Variants in RARB observed in about 807,000 individuals in gnomAD.
RARB encodes the protein retinoic acid receptor beta, also known as HBV-activated protein.
Under a neutral mutation model 51.9 loss-of-function variants are expected in RARB, and 17 were observed. That is an observed-to-expected ratio of 0.33 (90% CI 0.22 to 0.49). RARB has a LOEUF of 0.49. RARB is among the 20% of genes least tolerant of loss of function. The probability of loss-of-function intolerance (pLI) is 0.99; values close to 1 mark genes in which losing one functional copy is unlikely to be tolerated. For synonymous variants in RARB, 215 were observed against 195.4 expected (o/e 1.10, Z -0.84); for missense variants, 369 against 550.8 (o/e 0.67, Z 3.30).
intron 5 of RARB, among the ~76,000 whole-genome samples, chr3:25,329,300 G>A (rs555321258): frequency 2.4e-4 from 36 of 152,150 alleles, no homozygotes; most frequent in Admixed American, 4.6e-4. Flanking sequence ...CACCTCATAC[G>A]GCCGGGTGCC....
chr3:24,961,737 T>A (rs568543672), intron 2 of RARB, among the ~76,000 whole-genome samples: 2 of 152,134 alleles, frequency 1.3e-5, no homozygotes, highest in Non-Finnish European at 1.5e-5. Flanking sequence ...CAAAACACCA[T>A]TGGACAATTG....
chr3:25,099,457 C>A (rs945469077), intron 3 of RARB, among the ~76,000 whole-genome samples: 1 of 152,002 alleles, frequency 6.6e-6, no homozygotes, highest in Non-Finnish European at 1.5e-5. Flanking sequence ...TAGAAAAGAA[C>A]AACTTACCGG....
intron 5 of RARB, among the ~76,000 whole-genome samples, chr3:25,421,903 A>G (rs2125507619): frequency 6.6e-6 from 1 of 152,276 alleles, no homozygotes; most frequent in Non-Finnish European, 1.5e-5. Flanking sequence ...CCCACCTACC[A>G]TGTTACACTG....
intron 2 of RARB, among the ~76,000 whole-genome samples, chr3:25,465,518 ATTTGGGGAAGAGAAC>A (rs1460471204): frequency 6.6e-6 from 1 of 152,142 alleles, no homozygotes; most frequent in East Asian, 1.9e-4. Context: ...ATTGACTATT[ATTTGGGGAAGAGAAC>A]TTTCCATCCT....
intron 2 of RARB, among the ~76,000 whole-genome samples, chr3:24,962,708 T>A (rs1292507537): frequency 6.6e-6 from 1 of 152,170 alleles, no homozygotes; most frequent in Non-Finnish European, 1.5e-5. Flanking sequence ...ATCTAACTAA[T>A]GCCTGATGAT....
chr3:25,128,795 T>C (rs1699900256), intron 3 of RARB, among the ~76,000 whole-genome samples: 1 of 151,664 alleles, frequency 6.6e-6, no homozygotes, highest in African/African-American at 2.4e-5. Flanking sequence ...AAAAAAAGAA[T>C]GATGAACTCG....
intron 5 of RARB, among the ~76,000 whole-genome samples, chr3:25,590,739 C>T (rs1030007741): frequency 6.6e-6 from 1 of 152,186 alleles, no homozygotes; most frequent in African/African-American, 2.4e-5. Flanking sequence ...AGGCTGGTCT[C>T]GAGTTCCTGA....
chr3:25,013,538 C>A (rs1053595045), intron 2 of RARB, among the ~76,000 whole-genome samples: 2 of 152,070 alleles, frequency 1.3e-5, no homozygotes, highest in Non-Finnish European at 2.9e-5. Flanking sequence ...GGTACTGCTT[C>A]CTGGGCTCTG....
In RARB at chr3:25,337,978, CTG is replaced by C. The variant is rs1394761244; in HGVS notation, c.179-123213_179-123212del. 2.0e-5 allele frequency among the ~76,000 whole-genome samples: 3 copies of C among 152,140 alleles called. No homozygotes were observed. In the East Asian group the frequency reaches 5.8e-4, roughly 29 times the overall value. On this transcript the variant is annotated intron_variant, in intron 5 of 11. Coordinates refer to the RARB transcript ENST00000383772. ...AGCGTAGGTCAATTAGATCTAAAAA[CTG>C]TAATTTATCTCTACAAACATTCAAC...
At chr3:25,543,603 G>T (rs1699481726) in intron 3 of RARB, among the ~76,000 whole-genome samples, 1 of 149,784 alleles carries the variant, frequency 6.7e-6, no homozygotes, top group African/African-American at 2.5e-5. Context: ...TTGGCCATCT[G>T]TGGCCATTTG....
At chr3:25,418,696 A>C (rs879562992) in intron 5 of RARB, among the ~76,000 whole-genome samples, 1 of 152,144 alleles carries the variant, frequency 6.6e-6, no homozygotes, top group Non-Finnish European at 1.5e-5. Context: ...ACTAACTCTC[A>C]CTCCACTGAG....
rs543521855 is a variant in RARB, at chr3:24,898,766, T to A, written c.-380+40014T>A. ...CCCACTATGGTAGCTGCATTTAGCT[T>A]TTTGCTCTAATGTTTTTAGCATTTG... On this transcript the variant is annotated intron_variant, in intron 2 of 11. Transcript: ENST00000383772. Among the ~76,000 whole-genome samples, 24 of 152,306 alleles carry A rather than the reference T, an allele frequency of 1.6e-4. No individual in the cohort carries two copies. In the East Asian group the frequency reaches 1.7e-3, roughly 11 times the overall value.
intron 2 of RARB, among the ~76,000 whole-genome samples, chr3:24,948,549 A>G (rs2125404359): frequency 6.6e-6 from 1 of 152,234 alleles, no homozygotes; most frequent in East Asian, 1.9e-4. Flanking sequence ...AAATATTCTC[A>G]TGTTGTGATT....
chr3:25,294,511 A>C (rs1487893734), intron 5 of RARB, among the ~76,000 whole-genome samples: 1 of 152,200 alleles, frequency 6.6e-6, no homozygotes, highest in Non-Finnish European at 1.5e-5. Context: ...GGGGCCACCC[A>C]GACATTAGCT....
intron 5 of RARB, among the ~76,000 whole-genome samples, chr3:25,401,455 A>C (rs529427494): frequency 4.6e-5 from 7 of 152,210 alleles, no homozygotes; most frequent in Non-Finnish European, 1.0e-4. Flanking sequence ...ACCAGGAAAA[A>C]ACAGATAATA....
chr3:25,455,314 A>G (rs77075640), intron 1 of RARB, among the ~76,000 whole-genome samples: 127 of 152,282 alleles, frequency 8.3e-4, no homozygotes, highest in African/African-American at 2.8e-3. Context: ...TGATCAATCC[A>G]TGAGGGATTG....
intron 2 of RARB, among the ~76,000 whole-genome samples, chr3:25,014,334 C>T (rs1234498959): frequency 6.6e-6 from 1 of 152,012 alleles, no homozygotes; most frequent in Non-Finnish European, 1.5e-5. Flanking sequence ...GTCTTGGAAG[C>T]TCCTGAATTC....
intron 5 of RARB, among the ~76,000 whole-genome samples, chr3:25,415,000 T>C (rs1462029353): frequency 1.3e-5 from 2 of 151,996 alleles, no homozygotes; most frequent in Non-Finnish European, 2.9e-5. Context: ...TGCCACCATG[T>C]CCAGCTAATT....
chr3:25,556,560 G>A (rs539353047), intron 3 of RARB, among the ~76,000 whole-genome samples: 11 of 152,228 alleles, frequency 7.2e-5, no homozygotes, highest in Admixed American at 7.2e-4. Context: ...TATAGCTTTG[G>A]AATTAGATAG....
Sources: allele counts gnomAD v4.1 joint callset (sites outside exome capture counted in the v4.1 genomes callset), GRCh38; gene constraint gnomAD v4.1.1; transcripts MANE v1.5; gene names NCBI Gene and HGNC (gene_info 2026-07-23, HGNC 2026-07-21).